CDKAL1: variants seen among roughly 807,000 people sequenced by gnomAD.
CDKAL1 encodes the protein threonylcarbamoyladenosine tRNA methylthiotransferase.
A neutral mutation model predicts 68.2 loss-of-function variants in CDKAL1; 32 were observed. That is an observed-to-expected ratio of 0.47 (90% CI 0.35 to 0.63). The LOEUF (loss-of-function observed/expected upper bound fraction) is 0.63, where lower values mean the gene tolerates loss of function less well. Ranked by LOEUF, CDKAL1 falls within the 30% of genes least tolerant of loss-of-function variation. The pLI is 0.00. For synonymous variants in CDKAL1, 234 were observed against 244.3 expected, an observed-to-expected ratio of 0.96 and a Z score of 0.39; for missense variants, 606 against 696.7, an observed-to-expected ratio of 0.87 and a Z score of 1.47.
At chr6:21,000,994 G>T (rs1767398247) in intron 11 of CDKAL1, among the ~76,000 whole-genome samples, 1 of 152,178 alleles carries the variant, frequency 6.6e-6, no homozygotes, top group Non-Finnish European at 1.5e-5. Context: ...CCTTAATTAT[G>T]TTCTTCAAAA....
intron 13 of CDKAL1, among the ~76,000 whole-genome samples, chr6:21,185,959 G>A (rs934551166): frequency 6.6e-6 from 1 of 151,960 alleles, no homozygotes; most frequent in Non-Finnish European, 1.5e-5. Flanking sequence ...AGATGCAGGT[G>A]CACAGTAATA....
At chr6:21,227,882 G>GTCA (rs1465194013) in intron 15 of CDKAL1, among the ~76,000 whole-genome samples, 1 of 152,192 alleles carries the variant, frequency 6.6e-6, no homozygotes, top group African/African-American at 2.4e-5. Context: ...TTCTGAAATT[G>GTCA]TCATCAGAAG....
chr6:20,858,286 A>G (rs1759439917), intron 9 of CDKAL1, among the ~76,000 whole-genome samples: 1 of 151,228 alleles, frequency 6.6e-6, no homozygotes. Context: ...AGTAGCCTAG[A>G]TTTTTTCTGG....
rs113764563 is a variant in CDKAL1, at chr6:20,619,220, A to G, written c.287-30073A>G. Among the ~76,000 whole-genome samples the G allele has an allele frequency of 7.7e-3, 1,175 of 152,214 alleles. 10 individuals are homozygous for G. The highest frequency in any genetic ancestry group is 0.016 in the Admixed American group (238 of 15,286). ...TTCAGAAACTTAAAACATGGTTCAG[A>G]CTCTTGTGCATCTATAAAATTCTTT... is the stretch of plus-strand genomic sequence containing the variant. On this transcript the variant is annotated intron_variant, in intron 4 of 15. Coordinates refer to ENST00000274695, the MANE Select transcript of CDKAL1 (RefSeq NM_017774.3).
At chr6:20,635,048 G>T (rs1021874802) in intron 4 of CDKAL1, among the ~76,000 whole-genome samples, 1 of 152,064 alleles carries the variant, frequency 6.6e-6, no homozygotes, top group African/African-American at 2.4e-5. Context: ...CACCATTTGG[G>T]GAGATGTGCC....
intron 13 of CDKAL1, among the ~76,000 whole-genome samples, chr6:21,117,049 G>T (rs1187371461): frequency 6.6e-6 from 1 of 152,084 alleles, no homozygotes; most frequent in Non-Finnish European, 1.5e-5. Context: ...CAGTTAAGAT[G>T]TATCCCCATT....
intron 5 of CDKAL1, among the ~76,000 whole-genome samples, chr6:20,650,099 C>G (rs2127761098): frequency 6.6e-6 from 1 of 152,264 alleles, no homozygotes; most frequent in Middle Eastern, 3.4e-3. Flanking sequence ...ATTGCTGGAT[C>G]AAATGGCCTT....
chr6:21,219,789 C>T (rs1779469221), intron 15 of CDKAL1, among the ~76,000 whole-genome samples: 1 of 152,168 alleles, frequency 6.6e-6, no homozygotes, highest in Non-Finnish European at 1.5e-5. Flanking sequence ...CAAACATCTG[C>T]CAACACACTT....
At chr6:21,158,427 T>C (rs1192157632) in intron 13 of CDKAL1, among the ~76,000 whole-genome samples, 1 of 152,212 alleles carries the variant, frequency 6.6e-6, no homozygotes, top group African/African-American at 2.4e-5. Context: ...GCTTTTAGCC[T>C]CTGCAGGGAT....
intron 10 of CDKAL1, among the ~76,000 whole-genome samples, chr6:20,989,919 C>A (rs1440564880): frequency 2.6e-5 from 4 of 152,108 alleles, no homozygotes; most frequent in South Asian, 4.1e-4. Flanking sequence ...ATTTTGATTT[C>A]TTGTCCTTAA....
At chr6:20,984,596 C>T (rs1766342829) in intron 10 of CDKAL1, among the ~76,000 whole-genome samples, 1 of 152,056 alleles carries the variant, frequency 6.6e-6, no homozygotes, top group African/African-American at 2.4e-5. Flanking sequence ...ATGGTAAATG[C>T]AGAGGATTTT....
At chr6:20,993,715 TAA>T (rs1165006941) in intron 10 of CDKAL1, 1 of 152,250 alleles carries the variant, frequency 6.6e-6, no homozygotes, top group East Asian at 1.9e-4. Context: ...TTTTTAAAAT[TAA>T]GTCTGTTTTC....
At chr6:20,547,009 T>C (rs1005909517) in intron 3 of CDKAL1, among the ~76,000 whole-genome samples, 1 of 152,190 alleles carries the variant, frequency 6.6e-6, no homozygotes, top group African/African-American at 2.4e-5. Flanking sequence ...GTTTCAGATA[T>C]CACATTTTTT....
chr6:21,044,323 T>G (rs1279840710), intron 11 of CDKAL1, among the ~76,000 whole-genome samples: 1 of 152,222 alleles, frequency 6.6e-6, no homozygotes, highest in Non-Finnish European at 1.5e-5. Context: ...CTGATTCTGC[T>G]TTCTTGCCTC....
intron 13 of CDKAL1, among the ~76,000 whole-genome samples, chr6:21,124,245 G>A (rs761965015): frequency 4.6e-5 from 7 of 152,120 alleles, no homozygotes; most frequent in Non-Finnish European, 8.8e-5. Context: ...TTTGATAATG[G>A]AATAGTGCTT....
At chr6:21,136,306 G>C (rs7771907) in intron 13 of CDKAL1, among the ~76,000 whole-genome samples, 39,273 of 152,086 alleles carry the variant, frequency 0.26, 5,606 homozygotes, top group African/African-American at 0.38. Flanking sequence ...GTCACTGTAC[G>C]CAAGACGTTG....
At chr6:21,070,399 CT>C (rs57391327) in intron 12 of CDKAL1, among the ~76,000 whole-genome samples, 7 of 139,338 alleles carry the variant, frequency 5.0e-5, no homozygotes, top group Non-Finnish European at 4.6e-5. Context: ...TTGTTTCTCT[CT>C]TTTTTTTTTG....
At chr6:21,083,626 A>G (rs1158379158) in intron 12 of CDKAL1, among the ~76,000 whole-genome samples, 2 of 152,186 alleles carry the variant, frequency 1.3e-5, no homozygotes, top group East Asian at 3.8e-4. Flanking sequence ...CAGTGCTTTA[A>G]TCTACAGTTT....
At chr6:20,658,364 G>A (rs1447849830) in intron 5 of CDKAL1, among the ~76,000 whole-genome samples, 1 of 152,124 alleles carries the variant, frequency 6.6e-6, no homozygotes, top group East Asian at 1.9e-4. Context: ...AATGTCGAAG[G>A]GATGGCTTAG....
Sources: allele counts gnomAD v4.1 joint callset (sites outside exome capture counted in the v4.1 genomes callset), GRCh38; gene constraint gnomAD v4.1.1; transcripts MANE v1.5; gene names NCBI Gene and HGNC (gene_info 2026-07-23, HGNC 2026-07-21).